Variants in LARS1 observed in about 807,000 individuals in gnomAD.
LARS1 encodes leucyl-tRNA synthetase 1.
A neutral mutation model predicts 162.8 loss-of-function variants in LARS1; 100 were observed. That is an observed-to-expected ratio of 0.61 (90% CI 0.52 to 0.73). The LOEUF (loss-of-function observed/expected upper bound fraction) is 0.73, where lower values mean the gene tolerates loss of function less well. Ranked by LOEUF, LARS1 falls within the 30% of genes least tolerant of loss-of-function variation. LARS1 has a pLI of 0.00. For synonymous variants in LARS1, 457 were observed against 462.8 expected, an observed-to-expected ratio of 0.99 and a Z score of 0.16; for missense variants, 1,258 against 1,408.9, an observed-to-expected ratio of 0.89 and a Z score of 1.71.
chr5:146,123,752 GATT>G (rs922554173), intron 29 of LARS1, among the ~76,000 whole-genome samples: 2 of 151,666 alleles, frequency 1.3e-5, no homozygotes, highest in African/African-American at 2.4e-5. Flanking sequence ...ATGTATAATT[GATT>G]ATATGTAAAT....
intron 8 of LARS1, among the ~76,000 whole-genome samples, chr5:146,158,149 A>G (rs1753614961): frequency 6.6e-6 from 1 of 152,176 alleles, no homozygotes; most frequent in Admixed American, 6.5e-5. Flanking sequence ...TCCCTTACTA[A>G]TGGTTAGACC....
At chr5:146,130,306 A>C in intron 24 of LARS1, 148 bp from the exon 25 acceptor site, 1 of 738,548 alleles carries the variant, frequency 1.4e-6, no homozygotes, top group Non-Finnish European at 2.2e-6. Flanking sequence ...TTTTACTTTA[A>C]GAATCTGCAA....
At chr5:146,134,565 GATA>G (rs1455778221) in intron 22 of LARS1, among the ~76,000 whole-genome samples, 1 of 152,088 alleles carries the variant, frequency 6.6e-6, no homozygotes, top group Non-Finnish European at 1.5e-5. Context: ...CTCTTGACAC[GATA>G]ATAATAAAAT....
intron 10 of LARS1, among the ~76,000 whole-genome samples, chr5:146,154,703 G>A (rs1051691674): frequency 2.8e-4 from 42 of 152,050 alleles, no homozygotes; most frequent in Non-Finnish European, 1.8e-4. Flanking sequence ...GCTTGAACCC[G>A]AGAGGTGGAG....
chr5:146,182,013 T>C (rs191280493), intron 1 of LARS1: 25 of 158,738 alleles, frequency 1.6e-4, no homozygotes, highest in Non-Finnish European at 2.9e-4. Context: ...CGATCCTGGC[T>C]CACAGCAGCC....
intron 27 of LARS1, among the ~76,000 whole-genome samples, chr5:146,128,305 AATG>A (rs1411990717): frequency 6.6e-6 from 1 of 152,148 alleles, no homozygotes; most frequent in Non-Finnish European, 1.5e-5. Flanking sequence ...GAATGAATAT[AATG>A]AATGAATAAA....
intron 21 of LARS1, chr5:146,138,329 C>T (rs769938684): frequency 1.1e-4 from 18 of 168,624 alleles, no homozygotes; most frequent in African/African-American, 1.7e-4. Context: ...AATCTTCCTG[C>T]TAAAGGTATT....
rs1306842159 is a variant in LARS1, at chr5:146,160,369, C to T, written c.707+5G>A. 2 of 1,500,854 alleles carry T rather than the reference C, an allele frequency of 1.3e-6. No homozygotes were observed. Among genetic ancestry groups the T allele is most frequent in the Admixed American group, 2.0e-5 (1 of 49,182 alleles). 93.0% of individuals were successfully genotyped at this position (1,500,854 alleles called of 1,614,324 possible). A position where few individuals can be genotyped will look rare whatever the true frequency, so the allele number is the denominator to read the frequency against. On this transcript the variant is annotated splice_donor_5th_base_variant and intron_variant, in intron 7 of 31. Transcript: ENST00000394434. ...CTTTATTATGCTCAAGTATAACAAA[C>T]TTACCGCTTCCCAAATTTAATTTTG...
chr5:146,128,078 C>T (rs1426660835), intron 27 of LARS1, among the ~76,000 whole-genome samples: 1 of 152,054 alleles, frequency 6.6e-6, no homozygotes, highest in Non-Finnish European at 1.5e-5. Flanking sequence ...ATTTTGAATG[C>T]AGAGGAAAAA....
intron 29 of LARS1, 83 bp downstream of exon 29, chr5:146,123,899 T>C: frequency 1.5e-6 from 1 of 648,674 alleles, no homozygotes; most frequent in East Asian, 2.9e-5. Flanking sequence ...ATGAAATTTA[T>C]AAAAAGGTTT....
chr5:146,132,804 TAAAA>T, intron 23 of LARS1, 90 bp downstream of exon 23: 1 of 752,522 alleles, frequency 1.3e-6, no homozygotes, highest in Non-Finnish European at 2.0e-6. Flanking sequence ...TTTATTTTAT[TAAAA>T]AAAAAAAAGA....
At position 146,142,664 on chromosome 5, in the gene LARS1, G is replaced by C. The variant is rs1264609927; in HGVS notation, c.2090+208C>G. 14 of 504,314 alleles carry C rather than the reference G, an allele frequency of 2.8e-5. No homozygotes were observed. The East Asian group carries it at 4.3e-4, about 15-fold the overall frequency. 31.2% of individuals were successfully genotyped at this position (504,314 alleles called of 1,614,324 possible). A position where few individuals can be genotyped will look rare whatever the true frequency, so the allele number is the denominator to read the frequency against. ...CAGCAATGCACCTGAGATATGACATGCTTTGGTGCCTGGGGTAGGTATGTG... is the reference window on the plus strand; with the variant it reads ...CAGCAATGCACCTGAGATATGACATCCTTTGGTGCCTGGGGTAGGTATGTG... On this transcript the variant is annotated intron_variant, in intron 20 of 31. Coordinates refer to ENST00000394434, the MANE Select transcript of LARS1 (RefSeq NM_020117.11).
At chr5:146,160,986 A>G (rs1223109343) in intron 6 of LARS1, among the ~76,000 whole-genome samples, 1 of 152,210 alleles carries the variant, frequency 6.6e-6, no homozygotes, top group Non-Finnish European at 1.5e-5. Flanking sequence ...AATCTCATAT[A>G]ATCACACAAA....
intron 21 of LARS1, 78 bp from the exon 22 acceptor site, chr5:146,135,742 G>C: frequency 5.0e-6 from 5 of 1,002,324 alleles, no homozygotes; most frequent in Non-Finnish European, 7.3e-6. Context: ...AATTAACTAG[G>C]TTGGCCATGA....
intron 1 of LARS1, chr5:146,179,630 C>A (rs1326135278): frequency 2.4e-6 from 1 of 412,502 alleles, no homozygotes; most frequent in Non-Finnish European, 4.9e-6. Flanking sequence ...AGAGGGTCTC[C>A]CTCTGCCACC....
chr5:146,137,124 C>T (rs747384964), intron 21 of LARS1, among the ~76,000 whole-genome samples: 1 of 152,202 alleles, frequency 6.6e-6, no homozygotes, highest in Non-Finnish European at 1.5e-5. Flanking sequence ...TCTTGAACTC[C>T]TGACCTCAGG....
intron 10 of LARS1, among the ~76,000 whole-genome samples, chr5:146,155,171 A>C (rs990245442): frequency 6.6e-6 from 1 of 152,290 alleles, no homozygotes; most frequent in South Asian, 2.1e-4. Flanking sequence ...AATTTTTAAT[A>C]ATTATAATAA....
rs946505503 is a variant in LARS1, at chr5:146,113,926, T to A, written c.*180A>T. ...GACACCCAAAGAAAGGGAAAAAAAA[T>A]TTATTAGGTCCAGGAATCAAAGATG... is the stretch of plus-strand genomic sequence containing the variant. On this transcript the variant is annotated 3_prime_UTR_variant, in exon 32 of 32. Coordinates refer to ENST00000394434, the MANE Select transcript of LARS1 (RefSeq NM_020117.11). 39 of 552,676 alleles carry A rather than the reference T, an allele frequency of 7.1e-5. No homozygotes were observed. Among genetic ancestry groups the A allele is most frequent in the Non-Finnish European group, 9.8e-5 (31 of 316,312 alleles). 34.2% of individuals were successfully genotyped at this position (552,676 alleles called of 1,614,324 possible).
chr5:146,172,736 A>G lies in LARS1; in HGVS notation c.164T>C (p.Met55Thr). The G allele has an allele frequency of 6.3e-7, 1 of 1,583,416 alleles. No individual in the cohort carries two copies. The highest frequency in any genetic ancestry group is 1.8e-5 in the Admixed American group (1 of 55,080). ...KYFVTFPYPY[M>T]NGRLHLGHTF... is the part of the protein sequence containing the mutation. Reference sequence around the variant, plus strand: ...GTGTCCCAAATGAAGGCGTCCATTCATATATGGATATGGGAAGGTTACAAA... The same window carrying G: ...GTGTCCCAAATGAAGGCGTCCATTCGTATATGGATATGGGAAGGTTACAAA... The change falls in exon 3 of 32, where the codon ATG becomes ACG. Residue 55 changes from methionine (M) to threonine (T), a missense_variant. Coordinates refer to ENST00000394434, the MANE Select transcript of LARS1 (RefSeq NM_020117.11).
Sources: allele counts gnomAD v4.1 joint callset (sites outside exome capture counted in the v4.1 genomes callset), GRCh38; gene constraint gnomAD v4.1.1; transcripts MANE v1.5; gene names NCBI Gene and HGNC (gene_info 2026-07-23, HGNC 2026-07-21).